The following FAM20B variants were observed in gnomAD, a reference collection of about 807,000 sequenced individuals.
The protein encoded by FAM20B is FAM20B glycosaminoglycan xylosylkinase.
Under a neutral mutation model 43.8 loss-of-function variants are expected in FAM20B, and 23 were observed. That is an observed-to-expected ratio of 0.53 (90% confidence interval 0.38 to 0.74). The LOEUF (loss-of-function observed/expected upper bound fraction) is 0.74, where lower values mean the gene tolerates loss of function less well. Among genes scored for constraint, FAM20B ranks in the 30% least tolerant of loss-of-function variants. FAM20B has a pLI of 0.00. For missense variants in FAM20B, 440 were observed against 510.5 expected (o/e 0.86, Z 1.33); for synonymous variants, 178 against 192.4 (o/e 0.93, Z 0.62).
chr1:179,040,947 C>T (rs1391588896), intron 1 of FAM20B, among the ~76,000 whole-genome samples: 33 of 149,382 alleles, frequency 2.2e-4, no homozygotes, highest in Non-Finnish European at 4.6e-4. Context: ...GGGTCACGGC[C>T]GGGCAGAGGC....
Position 179,054,435 on chromosome 1 carries a change from C to CATTA in FAM20B, c.465-93_465-92insTTAA, listed in dbSNP as rs1651126319. 1.4e-5 allele frequency: 10 copies of CATTA among 733,816 alleles called. No homozygotes were observed. The South Asian group carries it at 1.8e-4, about 13-fold the overall frequency. 45.5% of individuals were successfully genotyped at this position (733,816 alleles called of 1,614,324 possible). On this transcript the variant is annotated intron_variant, in intron 3 of 7. Transcript: ENST00000263733. ...TTAGCTACTAGCTAAAAACCCTTTA[C>CATTA]ACATTTGACATGATGAACTGTAATT... is the stretch of plus-strand genomic sequence containing the variant.
At chr1:179,039,163 C>T (rs1650373648) in intron 1 of FAM20B, among the ~76,000 whole-genome samples, 1 of 152,206 alleles carries the variant, frequency 6.6e-6, no homozygotes, top group South Asian at 2.1e-4. Context: ...ATCCTGTTAT[C>T]TTCTTGTCAT....
chr1:179,022,518 G>A (rs1649621485), upstream of FAM20B, among the ~76,000 whole-genome samples: 1 of 152,198 alleles, frequency 6.6e-6, no homozygotes, highest in Admixed American at 6.5e-5. Flanking sequence ...AGCACCTTGA[G>A]ACAATATCCT....
At chr1:179,030,634 G>A (rs184915433) in intron 1 of FAM20B, among the ~76,000 whole-genome samples, 2 of 152,288 alleles carry the variant, frequency 1.3e-5, no homozygotes, top group Admixed American at 6.5e-5. Context: ...TGAATTCATT[G>A]TAGGACTTAT....
upstream of FAM20B, among the ~76,000 whole-genome samples, chr1:179,022,481 T>C (rs1238520062): frequency 1.3e-5 from 2 of 152,182 alleles, no homozygotes; most frequent in African/African-American, 4.8e-5. Flanking sequence ...CGTGTATGCA[T>C]ATATATTTTG....
At chr1:179,046,939 G>A (rs566846741) in intron 2 of FAM20B, among the ~76,000 whole-genome samples, 1 of 152,130 alleles carries the variant, frequency 6.6e-6, no homozygotes, top group South Asian at 2.1e-4. Flanking sequence ...AGGTTGTAGT[G>A]AGCCGAGATC....
chr1:179,064,282 G>GTCA, intron 5 of FAM20B, 23 bp from the exon 6 acceptor site: 1 of 1,584,718 alleles, frequency 6.3e-7, no homozygotes, highest in Non-Finnish European at 8.6e-7. Context: ...GTCACTCAGT[G>GTCA]CTGTGATGCT....
intron 4 of FAM20B, among the ~76,000 whole-genome samples, chr1:179,062,274 A>G (rs1651496911): frequency 6.6e-6 from 1 of 152,134 alleles, no homozygotes; most frequent in African/African-American, 2.4e-5. Flanking sequence ...CTCTTGAAGG[A>G]CAGAGGTGGG....
chr1:179,061,435 C>T (rs1258217867), intron 4 of FAM20B, among the ~76,000 whole-genome samples: 1 of 142,988 alleles, frequency 7.0e-6, no homozygotes, highest in Non-Finnish European at 1.5e-5. Context: ...GACAGAGTCT[C>T]ACCCTGTCAC....
In FAM20B at chr1:179,075,987, A is replaced by G. The variant is rs1439151673; in HGVS notation, c.*3843A>G. ...GTATATGTAATGTATATAGTCGTATATGTATTCTAGCAAGAAAAACATATT... is the reference window on the plus strand; with the variant it reads ...GTATATGTAATGTATATAGTCGTATGTGTATTCTAGCAAGAAAAACATATT... On this transcript the variant is annotated 3_prime_UTR_variant, in exon 8 of 8. Coordinates refer to ENST00000263733, the MANE Select transcript of FAM20B (RefSeq NM_014864.4). 1.3e-5 allele frequency: 2 copies of G among 152,232 alleles called. No homozygotes were observed. Among genetic ancestry groups the G allele is most frequent in the Non-Finnish European group, 2.9e-5 (2 of 68,042 alleles). 9.4% of individuals were successfully genotyped at this position (152,232 alleles called of 1,614,324 possible). A position where few individuals can be genotyped will look rare whatever the true frequency, so the allele number is the denominator to read the frequency against.
rs149069844 is a variant in FAM20B at position 179,076,490 on chromosome 1, T to C, written c.*4346T>C. On this transcript the variant is annotated 3_prime_UTR_variant, in exon 8 of 8. Coordinates refer to ENST00000263733, the MANE Select transcript of FAM20B (RefSeq NM_014864.4). ...GGTAAGATACCAAACAAGACAGATA[T>C]GGATCTAAATTTCTAATGTGTTCTA... 9.2e-5 allele frequency: 14 copies of C among 152,568 alleles called. No homozygotes were observed. The highest frequency in any genetic ancestry group is 1.5e-4 in the Non-Finnish European group (10 of 68,020). 9.5% of individuals were successfully genotyped at this position (152,568 alleles called of 1,614,324 possible).
chr1:179,026,359 C>G (rs888184625), intron 1 of FAM20B, among the ~76,000 whole-genome samples: 1 of 151,886 alleles, frequency 6.6e-6, no homozygotes, highest in East Asian at 1.9e-4. Flanking sequence ...GCGGTCGCGG[C>G]TGAAGGGACG....
At chr1:179,040,982 G>A (rs1173925990) in intron 1 of FAM20B, among the ~76,000 whole-genome samples, 8 of 146,760 alleles carry the variant, frequency 5.5e-5, no homozygotes, top group Admixed American at 4.0e-4. Flanking sequence ...AGACGGGGCC[G>A]GCGGGCAGAG....
chr1:179,066,971 T>C, intron 7 of FAM20B, 112 bp downstream of exon 7: 2 of 729,150 alleles, frequency 2.7e-6, no homozygotes, highest in Non-Finnish European at 4.8e-6. Context: ...AGCAGTGCTT[T>C]TCATACTTTT....
intron 2 of FAM20B, among the ~76,000 whole-genome samples, chr1:179,049,572 A>G (rs906041640): frequency 6.6e-6 from 1 of 152,058 alleles, no homozygotes; most frequent in African/African-American, 2.4e-5. Context: ...ACAGAGCCTC[A>G]CTCTGTTGCC....
intron 2 of FAM20B, among the ~76,000 whole-genome samples, chr1:179,046,275 T>C (rs1650768194): frequency 1.3e-5 from 2 of 152,324 alleles, no homozygotes; most frequent in South Asian, 4.1e-4. Flanking sequence ...TGAAGTTTGG[T>C]CTTTGACTTC....
chr1:179,059,122 A>G (rs943140915), intron 4 of FAM20B, among the ~76,000 whole-genome samples: 1 of 152,236 alleles, frequency 6.6e-6, no homozygotes, highest in African/African-American at 2.4e-5. Flanking sequence ...AGCCATAGAC[A>G]TTCTTGTCAC....
chr1:179,057,392 C>T (rs7548966), intron 4 of FAM20B, among the ~76,000 whole-genome samples: 70,947 of 152,122 alleles, frequency 0.47, 16,972 homozygotes, highest in African/African-American at 0.54. Context: ...GTTTCATTCT[C>T]TTGATGCAAT....
chr1:179,034,940 TA>T (rs1650157216), intron 1 of FAM20B, among the ~76,000 whole-genome samples: 1 of 152,230 alleles, frequency 6.6e-6, no homozygotes, highest in Non-Finnish European at 1.5e-5. Flanking sequence ...ACTTTTACCA[TA>T]ACTTTCACTT....
Sources: allele counts gnomAD v4.1 joint callset (sites outside exome capture counted in the v4.1 genomes callset), GRCh38; gene constraint gnomAD v4.1.1; transcripts MANE v1.5; gene names NCBI Gene and HGNC (gene_info 2026-07-23, HGNC 2026-07-21).